The following SLC9A9 variants were observed in gnomAD, a reference collection of about 807,000 sequenced individuals.
SLC9A9 encodes sodium/hydrogen exchanger 9.
SLC9A9 carries 62 observed loss-of-function variants against 77.8 expected under a neutral mutation model. The ratio of observed to expected loss-of-function variants is 0.80; its 90% CI spans 0.65 to 0.98. The LOEUF (loss-of-function observed/expected upper bound fraction) is 0.98. SLC9A9 is among the 50% of genes least tolerant of loss of function. The pLI, the probability that SLC9A9 is intolerant of heterozygous loss-of-function variation, is 0.00. For missense variants in SLC9A9, 775 were observed against 774.9 expected, an observed-to-expected ratio of 1.00 and a Z score of 0.00; for synonymous variants, 320 against 283.5, an observed-to-expected ratio of 1.13 and a Z score of -1.29.
chr3:143,687,637 AC>A (rs1467074121), intron 5 of SLC9A9, among the ~76,000 whole-genome samples: 4 of 152,106 alleles, frequency 2.6e-5, no homozygotes, highest in African/African-American at 9.7e-5. Context: ...TAAAATAAAA[AC>A]CAGTCTCACA....
At chr3:143,662,242 T>A (rs558911851) in intron 5 of SLC9A9, among the ~76,000 whole-genome samples, 2 of 152,336 alleles carry the variant, frequency 1.3e-5, no homozygotes, top group African/African-American at 4.8e-5. Context: ...ATTTTAGCCC[T>A]ACAGTAATCC....
intron 4 of SLC9A9, among the ~76,000 whole-genome samples, chr3:143,764,930 A>G (rs1208367272): frequency 6.6e-6 from 1 of 151,324 alleles, no homozygotes; most frequent in Admixed American, 6.6e-5. Context: ...AAACCAGGAA[A>G]CATTTTTCTT....
chr3:143,720,379 G>A (rs1036859010), intron 4 of SLC9A9, among the ~76,000 whole-genome samples: 2 of 152,102 alleles, frequency 1.3e-5, no homozygotes, highest in African/African-American at 4.8e-5. Context: ...GTTCAGGGTT[G>A]TTCTCTTCTA....
chr3:143,469,919 G>T (rs2035350093), intron 11 of SLC9A9, among the ~76,000 whole-genome samples: 1 of 152,140 alleles, frequency 6.6e-6, no homozygotes, highest in Non-Finnish European at 1.5e-5. Flanking sequence ...ACTTGAGATG[G>T]CTGTACTCAA....
At chr3:143,692,263 C>T (rs527522703) in intron 5 of SLC9A9, among the ~76,000 whole-genome samples, 115 of 152,136 alleles carry the variant, frequency 7.6e-4, no homozygotes, top group Non-Finnish European at 1.3e-3. Context: ...ATATGCTGCC[C>T]TTGTTTGGAT....
intron 11 of SLC9A9, among the ~76,000 whole-genome samples, chr3:143,480,070 G>T (rs2035548759): frequency 6.6e-6 from 1 of 152,178 alleles, no homozygotes; most frequent in African/African-American, 2.4e-5. Context: ...ACAGCCTAGG[G>T]CACTGAGGTT....
intron 6 of SLC9A9, among the ~76,000 whole-genome samples, chr3:143,593,076 T>A (rs1311745114): frequency 6.6e-6 from 1 of 151,984 alleles, no homozygotes; most frequent in African/African-American, 2.4e-5. Context: ...TAAAAAAAAA[T>A]TTGGAATGCA....
At chr3:143,799,031 C>T (rs542499212) in intron 2 of SLC9A9, among the ~76,000 whole-genome samples, 16 of 152,302 alleles carry the variant, frequency 1.1e-4, no homozygotes, top group South Asian at 4.1e-4. Flanking sequence ...GTCTGGCTTA[C>T]GGTTCTGTTC....
intron 13 of SLC9A9, among the ~76,000 whole-genome samples, chr3:143,367,445 C>T (rs1484309381): frequency 6.6e-6 from 1 of 152,144 alleles, no homozygotes; most frequent in Admixed American, 6.5e-5. Context: ...TATCTTTTGG[C>T]CCAGTTCTGG....
chr3:143,458,205 A>C (rs1247719867), intron 12 of SLC9A9, among the ~76,000 whole-genome samples: 1 of 152,080 alleles, frequency 6.6e-6, no homozygotes, highest in East Asian at 1.9e-4. Context: ...ATCCTTGGAA[A>C]ATTTTCTTGC....
chr3:143,779,121 A>G (rs1251559384), intron 4 of SLC9A9, among the ~76,000 whole-genome samples: 6 of 152,220 alleles, frequency 3.9e-5, no homozygotes, highest in African/African-American at 1.4e-4. Context: ...GAAATAATCT[A>G]TGTTTAAAAA....
chr3:143,524,481 T>C (rs2036370075), intron 9 of SLC9A9, among the ~76,000 whole-genome samples: 1 of 152,158 alleles, frequency 6.6e-6, no homozygotes, highest in South Asian at 2.1e-4. Context: ...GATCGTGCCG[T>C]GACTACATTT....
At chr3:143,490,459 C>T (rs528287265) in intron 11 of SLC9A9, among the ~76,000 whole-genome samples, 31 of 152,088 alleles carry the variant, frequency 2.0e-4, no homozygotes, top group African/African-American at 6.8e-4. Flanking sequence ...TTATATGAGG[C>T]TCCTAAAGTG....
chr3:143,494,303 A>G (rs1006796225), intron 10 of SLC9A9, among the ~76,000 whole-genome samples: 1 of 152,218 alleles, frequency 6.6e-6, no homozygotes, highest in African/African-American at 2.4e-5. Flanking sequence ...GCAATTTCCT[A>G]AAATAAAAGT....
chr3:143,594,686 G>A lies in SLC9A9; in HGVS notation c.756-15963C>T, dbSNP rs138910260. On this transcript the variant is annotated intron_variant, in intron 6 of 15. Transcript: ENST00000316549. ...TCTTGGGTCCTATGTAGTCCCCACTGGTAAGGTCTCTAAAGTATCTAGTTT... is the reference window on the plus strand; with the variant it reads ...TCTTGGGTCCTATGTAGTCCCCACTAGTAAGGTCTCTAAAGTATCTAGTTT... Among the ~76,000 whole-genome samples, 506 of 152,156 alleles carry A rather than the reference G, an allele frequency of 3.3e-3. 2 individuals are homozygous for A. Among genetic ancestry groups the A allele is most frequent in the African/African-American group, 0.012 (479 of 41,504 alleles).
chr3:143,506,047 T>A (rs867732476), intron 9 of SLC9A9, among the ~76,000 whole-genome samples: 1 of 152,222 alleles, frequency 6.6e-6, no homozygotes, highest in Non-Finnish European at 1.5e-5. Flanking sequence ...TGCATTTAAG[T>A]TAATATACAT....
At chr3:143,841,225 C>A (rs566468696) in intron 1 of SLC9A9, among the ~76,000 whole-genome samples, 1 of 152,188 alleles carries the variant, frequency 6.6e-6, no homozygotes, top group East Asian at 1.9e-4. Context: ...CACACACAAA[C>A]ACACCTACGT....
intron 4 of SLC9A9, among the ~76,000 whole-genome samples, chr3:143,790,017 T>C (rs1231425353): frequency 6.6e-6 from 1 of 152,098 alleles, no homozygotes; most frequent in African/African-American, 2.4e-5. Context: ...ATAATCCCCA[T>C]ATGTTAGGGG....
chr3:143,752,359 C>A (rs9880173), intron 4 of SLC9A9, among the ~76,000 whole-genome samples: 65,355 of 152,012 alleles, frequency 0.43, 15,252 homozygotes, highest in East Asian at 0.77. Context: ...CCTAGTAAGT[C>A]TCCAGATGAG....
Sources: gnomAD v4.1 joint callset for allele counts (sites outside exome capture counted in the v4.1 genomes callset) on GRCh38, gnomAD v4.1.1 for gene constraint, MANE v1.5 for transcripts, NCBI Gene and HGNC (gene_info 2026-07-23, HGNC 2026-07-21) for gene names.